Variants in MYOF observed in about 807,000 individuals in gnomAD.
MYOF encodes the protein myoferlin.
Under a neutral mutation model 284.2 loss-of-function variants are expected in MYOF, and 244 were observed. The observed-to-expected ratio is 0.86, with a 90% CI of 0.77 to 0.95. The LOEUF is 0.95. Ranked by LOEUF, MYOF falls within the 40% of genes least tolerant of loss-of-function variation. MYOF has a pLI of 0.00. For missense variants in MYOF, 2,496 were observed against 2,560.6 expected (o/e 0.97, Z 0.54); for synonymous variants, 904 against 919.7 (o/e 0.98, Z 0.31).
At chr10:93,461,521 T>A (rs1264497386) in intron 1 of MYOF, among the ~76,000 whole-genome samples, 1 of 152,158 alleles carries the variant, frequency 6.6e-6, no homozygotes, top group Non-Finnish European at 1.5e-5. Context: ...GCACAGAAGA[T>A]GCAGAGGCTG....
intron 37 of MYOF, among the ~76,000 whole-genome samples, chr10:93,346,719 C>A (rs1369575076): frequency 6.6e-6 from 1 of 152,172 alleles, no homozygotes; most frequent in Non-Finnish European, 1.5e-5. Context: ...GGTCAGGGAG[C>A]TTCCTGTTTT....
In MYOF at chr10:93,419,452, C is replaced by T. The variant is rs111321328; in HGVS notation, c.433+6619G>A. Among the ~76,000 whole-genome samples, 710 of 151,330 alleles carry T rather than the reference C, an allele frequency of 4.7e-3. 4 individuals carry two copies. Among genetic ancestry groups the T allele is most frequent in the Middle Eastern group, 0.025 (7 of 284 alleles). ...TGCTGGGATTACAGGCATGAGCCAC[C>T]GTGCCCGGCCCCAAAATGCCCTTCT... is the stretch of plus-strand genomic sequence containing the variant. On this transcript the variant is annotated intron_variant, in intron 5 of 53. Coordinates refer to ENST00000359263, the MANE Select transcript of MYOF (RefSeq NM_013451.4).
At position 93,375,102 on chromosome 10, in the gene MYOF, C is replaced by T. The variant is rs190801427; in HGVS notation, c.2109-147G>A. On this transcript the variant is annotated intron_variant, in intron 22 of 53. Transcript: ENST00000359263. ...GAATCTACAAGCACTGCCTGGTTTACGCTGGAGTAGAGTGTATCTGGCATT... is the reference window on the plus strand; with the variant it reads ...GAATCTACAAGCACTGCCTGGTTTATGCTGGAGTAGAGTGTATCTGGCATT... The T allele has an allele frequency of 1.4e-3, 1,132 of 781,366 alleles. 1 individual carries two copies. Among genetic ancestry groups the T allele is most frequent in the Non-Finnish European group, 1.7e-3 (847 of 501,090 alleles). 48.4% of individuals were successfully genotyped at this position (781,366 alleles called of 1,614,324 possible).
At chr10:93,442,331 AT>A (rs1383735563) in intron 3 of MYOF, among the ~76,000 whole-genome samples, 3 of 152,070 alleles carry the variant, frequency 2.0e-5, no homozygotes, top group African/African-American at 7.3e-5. Context: ...AATTGAAGTA[AT>A]TTTTTCTTAA....
chr10:93,459,820 G>A (rs997598871), intron 1 of MYOF, among the ~76,000 whole-genome samples: 2 of 152,256 alleles, frequency 1.3e-5, no homozygotes, highest in African/African-American at 4.8e-5. Context: ...TCTCAAATGT[G>A]CTTGAAAAAG....
At chr10:93,427,047 C>T (rs1310662187) in intron 4 of MYOF, among the ~76,000 whole-genome samples, 7 of 151,236 alleles carry the variant, frequency 4.6e-5, no homozygotes, top group African/African-American at 1.7e-4. Context: ...CCATCATGCC[C>T]GGCTAATATT....
intron 48 of MYOF, among the ~76,000 whole-genome samples, chr10:93,320,875 C>CAGAT (rs529519646): frequency 1.9e-4 from 29 of 152,202 alleles, no homozygotes; most frequent in African/African-American, 7.0e-4. Context: ...CTGGACCCCA[C>CAGAT]AGATAGATAG....
chr10:93,394,896 A>G (rs1440775770), intron 16 of MYOF, among the ~76,000 whole-genome samples: 1 of 150,724 alleles, frequency 6.6e-6, no homozygotes, highest in African/African-American at 2.4e-5. Flanking sequence ...TAGTGTGTAT[A>G]TATATATGCA....
Position 93,354,702 on chromosome 10 carries a change from T to TCTCTCTCTCTCTCTCTCTCTCTCTC in MYOF, c.3404-815_3404-814insGAGAGAGAGAGAGAGAGAGAGAGAG, listed in dbSNP as rs1491377561. Reference sequence around the variant, plus strand: ...CTCTCTCTCTCTCTCTCTCTCTCTCTTTGTGAGATAGCAGAGCATTATGAT... The same window carrying TCTCTCTCTCTCTCTCTCTCTCTCTC: ...CTCTCTCTCTCTCTCTCTCTCTCTCTCTCTCTCTCTCTCTCTCTCTCTCTCTTGTGAGATAGCAGAGCATTATGAT... On this transcript the variant is annotated intron_variant, in intron 31 of 53. Transcript: ENST00000359263. 1.9e-3 allele frequency among the ~76,000 whole-genome samples: 291 copies of TCTCTCTCTCTCTCTCTCTCTCTCTC among 149,718 alleles called. 1 individual carries two copies. Among genetic ancestry groups the TCTCTCTCTCTCTCTCTCTCTCTCTC allele is most frequent in the Non-Finnish European group, 2.9e-3 (198 of 67,472 alleles).
chr10:93,346,143 T>C (rs1844174522), intron 37 of MYOF, among the ~76,000 whole-genome samples: 1 of 152,214 alleles, frequency 6.6e-6, no homozygotes, highest in Non-Finnish European at 1.5e-5. Flanking sequence ...GCACCGTCAA[T>C]TCAGCATAAA....
intron 29 of MYOF, among the ~76,000 whole-genome samples, chr10:93,357,180 A>G (rs1844846288): frequency 6.6e-6 from 1 of 152,156 alleles, no homozygotes; most frequent in Admixed American, 6.5e-5. Context: ...TCACTTCATT[A>G]TTTCATAAAA....
In MYOF at chr10:93,451,840, C is replaced by G. The variant is rs139289102; in HGVS notation, c.236+210G>C. The stretch of plus-strand genomic sequence containing the variant: ...AGTCTAGGTGGCTCGGTGTTTGCAG[C>G]TTTTTTGGAATAAAAGCAGTCATTG... On this transcript the variant is annotated intron_variant, in intron 3 of 53. Coordinates refer to ENST00000359263, the MANE Select transcript of MYOF (RefSeq NM_013451.4). Among the ~76,000 whole-genome samples the G allele has an allele frequency of 4.6e-3, 698 of 152,178 alleles. 6 individuals are homozygous for G. Among genetic ancestry groups the G allele is most frequent in the African/African-American group, 0.016 (655 of 41,522 alleles).
At chr10:93,458,886 C>G (rs1430909686) in intron 1 of MYOF, among the ~76,000 whole-genome samples, 1 of 152,208 alleles carries the variant, frequency 6.6e-6, no homozygotes, top group East Asian at 1.9e-4. Context: ...TTTTGTTTAG[C>G]TAATGTCACA....
chr10:93,313,327 T>G (rs1394572149), intron 50 of MYOF, 117 bp from the exon 51 acceptor site: 1 of 975,568 alleles, frequency 1.0e-6, no homozygotes, highest in Non-Finnish European at 1.5e-6. Flanking sequence ...AACAGGTAAA[T>G]GGTGAGTTAG....
At chr10:93,318,749 ACT>A (rs1842728598) in intron 49 of MYOF, among the ~76,000 whole-genome samples, 1 of 152,114 alleles carries the variant, frequency 6.6e-6, no homozygotes, top group Non-Finnish European at 1.5e-5. Context: ...CAACAGTGAA[ACT>A]CTGTCTCAAA....
At chr10:93,307,692 T>G (rs1352159783) in intron 53 of MYOF, among the ~76,000 whole-genome samples, 1 of 150,878 alleles carries the variant, frequency 6.6e-6, no homozygotes, top group Non-Finnish European at 1.5e-5. Context: ...TGGCGTGATC[T>G]CCAGTCACTG....
intron 1 of MYOF, among the ~76,000 whole-genome samples, chr10:93,476,551 T>A (rs1453956065): frequency 6.6e-6 from 1 of 151,754 alleles, no homozygotes; most frequent in African/African-American, 2.4e-5. Context: ...GGTGTTAATG[T>A]CCCCCACTGA....
chr10:93,470,630 G>A (rs1208302328), intron 1 of MYOF, among the ~76,000 whole-genome samples: 1 of 152,122 alleles, frequency 6.6e-6, no homozygotes, highest in Non-Finnish European at 1.5e-5. Context: ...TCGAACTCCT[G>A]ACCTCAAATG....
chr10:93,414,969 C>A (rs971015589), intron 5 of MYOF, among the ~76,000 whole-genome samples: 7 of 152,136 alleles, frequency 4.6e-5, no homozygotes, highest in African/African-American at 1.4e-4. Flanking sequence ...GCCTCGAACT[C>A]CTGACCTCAA....
Sources: allele counts gnomAD v4.1 joint callset (sites outside exome capture counted in the v4.1 genomes callset), GRCh38; gene constraint gnomAD v4.1.1; transcripts MANE v1.5; gene names NCBI Gene and HGNC (gene_info 2026-07-23, HGNC 2026-07-21).